The following MAGI2 variants were observed in gnomAD, a reference collection of about 807,000 sequenced individuals.
MAGI2 encodes the protein membrane-associated guanylate kinase, WW and PDZ domain-containing protein 2.
A neutral mutation model predicts 133.3 loss-of-function variants in MAGI2; 35 were observed. The observed-to-expected ratio is 0.26, with a 90% CI of 0.20 to 0.35. The LOEUF (loss-of-function observed/expected upper bound fraction) is 0.35, where lower values mean the gene tolerates loss of function less well. Among genes scored for constraint, MAGI2 ranks in the 10% least tolerant of loss-of-function variants. MAGI2 has a pLI of 1.00. For synonymous variants in MAGI2, 729 were observed against 710.6 expected, an observed-to-expected ratio of 1.03 and a Z score of -0.41; for missense variants, 1,636 against 1,863.4, an observed-to-expected ratio of 0.88 and a Z score of 2.25.
At chr7:78,298,251 C>G (rs559054663) in intron 9 of MAGI2, among the ~76,000 whole-genome samples, 15 of 152,218 alleles carry the variant, frequency 9.9e-5, no homozygotes, top group South Asian at 4.1e-4. Context: ...ACTGTCATGG[C>G]CATGAGGAGT....
intron 14 of MAGI2, chr7:78,170,690 A>C (rs1826028451): frequency 6.6e-6 from 1 of 152,154 alleles, no homozygotes; most frequent in African/African-American, 2.4e-5. Context: ...AGAGTTGGTT[A>C]GAGTAGGCCT....
At chr7:79,218,103 A>G (rs1368773596) in intron 1 of MAGI2, among the ~76,000 whole-genome samples, 1 of 152,022 alleles carries the variant, frequency 6.6e-6, no homozygotes, top group Non-Finnish European at 1.5e-5. Context: ...CTGATATGCA[A>G]AGAGCAGGAG....
At chr7:78,353,709 C>A (rs1407634167) in intron 7 of MAGI2, among the ~76,000 whole-genome samples, 3 of 152,112 alleles carry the variant, frequency 2.0e-5, no homozygotes, top group East Asian at 3.8e-4. Flanking sequence ...GAGAAGGGGG[C>A]ATTTTAGGAA....
chr7:79,275,505 A>G (rs1489162534), intron 1 of MAGI2, among the ~76,000 whole-genome samples: 1 of 152,228 alleles, frequency 6.6e-6, no homozygotes, highest in African/African-American at 2.4e-5. Flanking sequence ...CCATTTCAAT[A>G]ACTTAAAAGT....
chr7:79,394,506 T>C (rs6957328), intron 1 of MAGI2, among the ~76,000 whole-genome samples: 3,223 of 152,286 alleles, frequency 0.021, 100 homozygotes, highest in African/African-American at 0.075. Flanking sequence ...AAATGTGGCA[T>C]ACCATGAATA....
At chr7:78,888,954 C>T (rs988073501) in intron 2 of MAGI2, among the ~76,000 whole-genome samples, 5 of 151,780 alleles carry the variant, frequency 3.3e-5, no homozygotes, top group Non-Finnish European at 5.9e-5. Flanking sequence ...AAGTTCGAAC[C>T]CATGACAAAG....
chr7:78,806,153 T>C (rs551869342), intron 2 of MAGI2, among the ~76,000 whole-genome samples: 81 of 152,232 alleles, frequency 5.3e-4, no homozygotes, highest in African/African-American at 1.8e-3. Flanking sequence ...TGATACTGCT[T>C]ATAGAGGAAG....
chr7:78,757,885 C>T (rs1824113798), intron 2 of MAGI2, among the ~76,000 whole-genome samples: 1 of 152,166 alleles, frequency 6.6e-6, no homozygotes, highest in African/African-American at 2.4e-5. Flanking sequence ...CCCAAACGTG[C>T]ATTTTACCAT....
chr7:78,852,047 T>C (rs1051979325), intron 2 of MAGI2, among the ~76,000 whole-genome samples: 1 of 152,184 alleles, frequency 6.6e-6, no homozygotes, highest in African/African-American at 2.4e-5. Context: ...TGACAGATAT[T>C]ATATTGCCAT....
intron 1 of MAGI2, among the ~76,000 whole-genome samples, chr7:79,385,199 C>A (rs560276310): frequency 6.6e-6 from 1 of 151,512 alleles, no homozygotes; most frequent in Non-Finnish European, 1.5e-5. Flanking sequence ...GACTAGAAGG[C>A]GGTAAGGTGA....
At chr7:78,188,202 T>A (rs1406687634) in intron 12 of MAGI2, among the ~76,000 whole-genome samples, 2 of 152,200 alleles carry the variant, frequency 1.3e-5, no homozygotes, top group Non-Finnish European at 1.5e-5. Flanking sequence ...AATATAAACG[T>A]TACCACAGTT....
intron 1 of MAGI2, among the ~76,000 whole-genome samples, chr7:79,190,549 A>G (rs1827560183): frequency 6.6e-6 from 1 of 151,790 alleles, no homozygotes; most frequent in African/African-American, 2.4e-5. Context: ...GGTTTTGTGA[A>G]TATTTTCTCC....
chr7:78,138,054 G>A (rs539677795), intron 16 of MAGI2, among the ~76,000 whole-genome samples: 2 of 152,284 alleles, frequency 1.3e-5, no homozygotes, highest in South Asian at 4.1e-4. Context: ...TTATTAATTT[G>A]TCCAAGGTCA....
intron 2 of MAGI2, among the ~76,000 whole-genome samples, chr7:78,635,743 T>C (rs1192868163): frequency 1.3e-5 from 2 of 152,214 alleles, no homozygotes; most frequent in Admixed American, 1.3e-4. Flanking sequence ...TTGAAGACAC[T>C]TAAGTTGGTC....
At chr7:79,440,061 G>A (rs1417676734) in intron 1 of MAGI2, among the ~76,000 whole-genome samples, 1 of 151,936 alleles carries the variant, frequency 6.6e-6, no homozygotes, top group Non-Finnish European at 1.5e-5. Flanking sequence ...ACTCTGCTTG[G>A]CAGTACTGAC....
chr7:79,106,134 C>T (rs1259326251), intron 1 of MAGI2, among the ~76,000 whole-genome samples: 1 of 152,080 alleles, frequency 6.6e-6, no homozygotes, highest in African/African-American at 2.4e-5. Flanking sequence ...CAGGAACTAA[C>T]TATTGATACA....
chr7:78,808,447 G>A (rs112353050), intron 2 of MAGI2, among the ~76,000 whole-genome samples: 6,930 of 152,080 alleles, frequency 0.046, 236 homozygotes, highest in Admixed American at 0.1. Flanking sequence ...TAGTAGAGAC[G>A]GGGTTTTACC....
intron 13 of MAGI2, among the ~76,000 whole-genome samples, chr7:78,179,530 T>C (rs890623435): frequency 6.6e-6 from 1 of 152,200 alleles, no homozygotes; most frequent in Admixed American, 6.5e-5. Context: ...AAATGCCGAT[T>C]ATTTATCTGG....
At chr7:79,305,125 T>C (rs1160794939) in intron 1 of MAGI2, among the ~76,000 whole-genome samples, 1 of 152,184 alleles carries the variant, frequency 6.6e-6, no homozygotes, top group Non-Finnish European at 1.5e-5. Flanking sequence ...TTATCTTACA[T>C]TATCATTTTC....
Sources: gnomAD v4.1 joint callset for allele counts (sites outside exome capture counted in the v4.1 genomes callset) on GRCh38, gnomAD v4.1.1 for gene constraint, MANE v1.5 for transcripts, NCBI Gene and HGNC (gene_info 2026-07-23, HGNC 2026-07-21) for gene names.